The following MYRFL variants were observed in gnomAD, a reference collection of about 807,000 sequenced individuals.
MYRFL encodes the protein myelin regulatory factor-like protein.
A neutral mutation model predicts 109.4 loss-of-function variants in MYRFL; 88 were observed. That is an observed-to-expected ratio of 0.80 (90% CI 0.68 to 0.96). MYRFL has a LOEUF of 0.96. MYRFL is among the 40% of genes least tolerant of loss of function. The pLI, the probability that MYRFL is intolerant of heterozygous loss-of-function variation, is 0.00. For synonymous variants in MYRFL, 324 were observed against 320.9 expected (o/e 1.01, Z -0.10); for missense variants, 957 against 954.9 (o/e 1.00, Z -0.03).
chr12:69,954,661 G>C (rs1377380288), intron 21 of MYRFL, among the ~76,000 whole-genome samples: 1 of 152,134 alleles, frequency 6.6e-6, no homozygotes, highest in Non-Finnish European at 1.5e-5. Context: ...CCATCGATCT[G>C]ATTTTAAATT....
intron 2 of MYRFL, among the ~76,000 whole-genome samples, chr12:69,863,417 G>A (rs530657968): frequency 1.0e-3 from 153 of 152,134 alleles, no homozygotes; most frequent in African/African-American, 2.9e-3. Context: ...GATTATTGCC[G>A]CAATTTCAGA....
At chr12:69,890,417 A>T (rs1886727692) in intron 6 of MYRFL, among the ~76,000 whole-genome samples, 4 of 152,204 alleles carry the variant, frequency 2.6e-5, no homozygotes, top group Admixed American at 2.6e-4. Context: ...TCTGAAAAAA[A>T]TAATGCTTTC....
chr12:69,957,793 G>T, intron 22 of MYRFL, 29 bp from the exon 23 acceptor site: 1 of 1,503,518 alleles, frequency 6.7e-7, no homozygotes, highest in Non-Finnish European at 8.9e-7. Flanking sequence ...GCTTTTTCAG[G>T]TGCTCTTTCT....
chr12:69,943,154 CCTTTCTTCACAGAATTG>C (rs1320258273), intron 19 of MYRFL, among the ~76,000 whole-genome samples: 1 of 151,696 alleles, frequency 6.6e-6, no homozygotes, highest in Admixed American at 6.6e-5. Flanking sequence ...GCTACCAATG[CCTTTCTTCACAGAATTG>C]GAAAAAACTA....
intron 5 of MYRFL, among the ~76,000 whole-genome samples, chr12:69,883,480 A>C (rs1411575663): frequency 6.6e-6 from 1 of 152,154 alleles, no homozygotes; most frequent in Non-Finnish European, 1.5e-5. Context: ...ATATTTATAC[A>C]ATGGAGTACA....
chr12:69,896,563 G>A (rs1954000986), intron 9 of MYRFL, among the ~76,000 whole-genome samples: 1 of 152,218 alleles, frequency 6.6e-6, no homozygotes, highest in South Asian at 2.1e-4. Context: ...GATGAAAATT[G>A]CCTTGGAAGC....
intron 10 of MYRFL, among the ~76,000 whole-genome samples, chr12:69,903,319 G>T (rs1359637580): frequency 1.3e-5 from 2 of 152,176 alleles, no homozygotes; most frequent in East Asian, 3.9e-4. Flanking sequence ...TTCCTGGAAA[G>T]ATAGCCATTT....
chr12:69,905,117 C>A (rs1954314317), intron 11 of MYRFL, among the ~76,000 whole-genome samples: 2 of 152,188 alleles, frequency 1.3e-5, no homozygotes, highest in Non-Finnish European at 2.9e-5. Flanking sequence ...TGACTTTGAA[C>A]TTTAGAGAGA....
chr12:69,877,876 A>G (rs1885784747), intron 2 of MYRFL, among the ~76,000 whole-genome samples: 1 of 152,232 alleles, frequency 6.6e-6, no homozygotes, highest in Non-Finnish European at 1.5e-5. Context: ...ATGCTGAGCT[A>G]TAAGCAACTT....
chr12:69,953,786 C>CAG (rs1168684139), intron 21 of MYRFL, among the ~76,000 whole-genome samples: 2 of 151,770 alleles, frequency 1.3e-5, no homozygotes, highest in African/African-American at 4.8e-5. Flanking sequence ...CACACACACA[C>CAG]ACACACACAC....
At chr12:69,839,173 C>T (rs1288896781) in intron 1 of MYRFL, among the ~76,000 whole-genome samples, 2 of 152,152 alleles carry the variant, frequency 1.3e-5, no homozygotes, top group African/African-American at 2.4e-5. Context: ...TTCCTGCAAA[C>T]GGAAGCCAAA....
At chr12:69,939,324 C>T (rs1955566625) in intron 19 of MYRFL, among the ~76,000 whole-genome samples, 2 of 152,112 alleles carry the variant, frequency 1.3e-5, no homozygotes, top group Non-Finnish European at 2.9e-5. Flanking sequence ...AGTGGTTCTC[C>T]CAGCACGCAG....
intron 1 of MYRFL, among the ~76,000 whole-genome samples, chr12:69,853,715 C>T (rs1343441226): frequency 6.7e-6 from 1 of 149,738 alleles, no homozygotes; most frequent in African/African-American, 2.5e-5. Context: ...GACGGGGAGG[C>T]AGCCGGGAAG....
At chr12:69,836,887 G>A (rs1379060838) in intron 1 of MYRFL, among the ~76,000 whole-genome samples, 1 of 152,108 alleles carries the variant, frequency 6.6e-6, no homozygotes, top group East Asian at 1.9e-4. Flanking sequence ...TCTATAGACG[G>A]CCACCAATAT....
intron 1 of MYRFL, among the ~76,000 whole-genome samples, chr12:69,843,751 C>T (rs1287795458): frequency 1.3e-5 from 2 of 152,200 alleles, no homozygotes; most frequent in African/African-American, 4.8e-5. Context: ...TCTTACAGCT[C>T]TTGCTGCTCC....
chr12:69,837,989 C>G (rs1253408181), intron 1 of MYRFL, among the ~76,000 whole-genome samples: 6 of 152,160 alleles, frequency 3.9e-5, no homozygotes, highest in Non-Finnish European at 7.4e-5. Flanking sequence ...AAATAAAAAA[C>G]TCAAATCCCT....
Position 69,932,536 on chromosome 12 carries a change from G to A in MYRFL, c.1854G>A (p.Gln618=). The A allele has an allele frequency of 6.5e-7, 1 of 1,536,000 alleles. No individual in the cohort carries two copies. The part of the protein sequence containing the change: ...NNKVYFSGKR[Q]ACPNWVFQTL... ...AGGTTTATTTTTCAGGAAAAAGACA[G>A]GCGTGTCCTAATTGGGTTTTCCAGA... is the stretch of plus-strand genomic sequence containing the variant. The change falls in exon 16 of 25, where the codon CAG becomes CAA. Residue 618 remains glutamine, a synonymous_variant. Coordinates refer to ENST00000552032, the MANE Select transcript of MYRFL (RefSeq NM_182530.3).
At chr12:69,900,961 T>C (rs980073601) in intron 10 of MYRFL, among the ~76,000 whole-genome samples, 18 of 152,198 alleles carry the variant, frequency 1.2e-4, no homozygotes, top group Admixed American at 1.2e-3. Flanking sequence ...TTTGAGACTT[T>C]TCATCCTCAT....
At chr12:69,882,588 C>T (rs1886194859) in intron 5 of MYRFL, among the ~76,000 whole-genome samples, 1 of 152,152 alleles carries the variant, frequency 6.6e-6, no homozygotes, top group South Asian at 2.1e-4. Flanking sequence ...CCAAGTAGTA[C>T]ACTTTGGCCA....
Sources: gnomAD v4.1 joint callset for allele counts (sites outside exome capture counted in the v4.1 genomes callset) on GRCh38, gnomAD v4.1.1 for gene constraint, MANE v1.5 for transcripts, NCBI Gene and HGNC (gene_info 2026-07-23, HGNC 2026-07-21) for gene names.